ABCB7: variants seen among roughly 807,000 people sequenced by gnomAD.
ABCB7 encodes ATP binding cassette subfamily B member 7, also known as iron-sulfur clusters transporter ABCB7, mitochondrial.
Under a neutral mutation model 54.4 loss-of-function variants are expected in ABCB7, and 7 were observed. That is an observed-to-expected ratio of 0.13 (90% CI 0.07 to 0.24). The LOEUF is 0.24. Ranked by LOEUF, ABCB7 falls within the 10% of genes least tolerant of loss-of-function variation. The pLI, the probability that ABCB7 is intolerant of heterozygous loss-of-function variation, is 1.00. For missense variants in ABCB7, 356 were observed against 570.4 expected, an observed-to-expected ratio of 0.62 and a Z score of 3.83; for synonymous variants, 218 against 207.1, an observed-to-expected ratio of 1.05 and a Z score of -0.45.
chrX:75,105,939 C>G (rs1438581679), intron 3 of ABCB7, among the ~76,000 whole-genome samples: 1 of 111,383 alleles, frequency 9.0e-6, no homozygotes, highest in Non-Finnish European at 1.9e-5. Flanking sequence ...TAGTCACATA[C>G]AGAATAATGA....
chrX:75,062,437 A>G lies in ABCB7; in HGVS notation c.1832-6T>C. On this transcript the variant is annotated splice_polypyrimidine_tract_variant and splice_region_variant and intron_variant, in intron 13 of 15. Transcript: ENST00000373394. ...TACTCTTTGCTTTTCTCCTCCTGGT[A>G]AAGGAAAATTTTACTTTAAGGAAGC... 10 of 1,196,613 alleles carry G rather than the reference A, an allele frequency of 8.4e-6. No homozygotes were observed. The highest frequency in any genetic ancestry group is 1.1e-5 in the Non-Finnish European group (10 of 882,160).
intron 3 of ABCB7, among the ~76,000 whole-genome samples, chrX:75,101,066 A>C (rs989225894): frequency 1.0e-4 from 4 of 39,451 alleles, no homozygotes; most frequent in Non-Finnish European, 2.4e-4. Flanking sequence ...AAAATGTGAT[A>C]TATGTAGGAG....
intron 1 of ABCB7, among the ~76,000 whole-genome samples, chrX:75,149,340 AT>A (rs1276537465): frequency 8.9e-6 from 1 of 112,020 alleles, no homozygotes. Context: ...TAACTCAAAA[AT>A]TTTAGGATAA....
chrX:75,137,694 T>C (rs897723541), intron 1 of ABCB7, among the ~76,000 whole-genome samples: 1 of 112,202 alleles, frequency 8.9e-6, no homozygotes, highest in Non-Finnish European at 1.9e-5. Flanking sequence ...GAATACCACA[T>C]AGCCATAAAA....
intron 1 of ABCB7, among the ~76,000 whole-genome samples, chrX:75,153,775 A>ATATATAT (rs1569253219): frequency 1.5e-4 from 4 of 26,614 alleles, no homozygotes; most frequent in South Asian, 2.5e-3. Flanking sequence ...TATATATATA[A>ATATATAT]AATATATATG....
At chrX:75,058,284 T>C (rs1391650635) in intron 15 of ABCB7, among the ~76,000 whole-genome samples, 1 of 111,446 alleles carries the variant, frequency 9.0e-6, no homozygotes, top group African/African-American at 3.3e-5. Context: ...TACTTACCAG[T>C]TTCCCCCAAT....
intron 1 of ABCB7, among the ~76,000 whole-genome samples, chrX:75,150,826 T>C (rs2082125885): frequency 8.9e-6 from 1 of 111,787 alleles, no homozygotes; most frequent in African/African-American, 3.2e-5. Context: ...TTTATAACAA[T>C]TGTATAACAA....
At chrX:75,087,812 A>G (rs1482650027) in intron 4 of ABCB7, among the ~76,000 whole-genome samples, 1 of 112,181 alleles carries the variant, frequency 8.9e-6, no homozygotes, top group Non-Finnish European at 1.9e-5. Flanking sequence ...ACAGACATCT[A>G]AAAGCTAGAG....
chrX:75,121,043 C>T (rs1602392441), intron 1 of ABCB7, among the ~76,000 whole-genome samples: 1 of 110,655 alleles, frequency 9.0e-6, no homozygotes. Flanking sequence ...AATCCCAGCA[C>T]TTTGGGAGGC....
chrX:75,062,203 C>G (rs757870889), intron 14 of ABCB7, 125 bp downstream of exon 14: 2 of 562,048 alleles, frequency 3.6e-6, no homozygotes, highest in East Asian at 3.7e-5. Flanking sequence ...GGGGGATAGG[C>G]ATTTTGCTCT....
chrX:75,135,620 C>G (rs759548938), intron 1 of ABCB7, among the ~76,000 whole-genome samples: 2 of 111,480 alleles, frequency 1.8e-5, no homozygotes, highest in Admixed American at 9.5e-5. Flanking sequence ...CAACAAAAAG[C>G]TAATCCACCA....
chrX:75,135,779 T>A (rs1055690120), intron 1 of ABCB7, among the ~76,000 whole-genome samples: 1 of 111,284 alleles, frequency 9.0e-6, no homozygotes, highest in African/African-American at 3.3e-5. Flanking sequence ...GAGTTCAACA[T>A]CCCTTCATGT....
intron 1 of ABCB7, among the ~76,000 whole-genome samples, chrX:75,137,663 A>T (rs1302192036): frequency 8.9e-6 from 1 of 112,634 alleles, no homozygotes; most frequent in African/African-American, 3.2e-5. Flanking sequence ...AATAAAGAAA[A>T]TGTGGTACAT....
intron 1 of ABCB7, among the ~76,000 whole-genome samples, chrX:75,142,347 G>A (rs1204528661): frequency 9.0e-6 from 1 of 111,367 alleles, no homozygotes; most frequent in Non-Finnish European, 1.9e-5. Context: ...TAATGACAAG[G>A]GAAAAAAGTC....
chrX:75,115,654 G>T (rs1016808778), intron 1 of ABCB7, among the ~76,000 whole-genome samples: 1 of 108,280 alleles, frequency 9.2e-6, no homozygotes, highest in Non-Finnish European at 1.9e-5. Context: ...GTAACCAGAT[G>T]ACGGACTCTG....
At chrX:75,109,048 T>A (rs1171835416) in intron 3 of ABCB7, among the ~76,000 whole-genome samples, 1 of 111,052 alleles carries the variant, frequency 9.0e-6, no homozygotes, top group Non-Finnish European at 1.9e-5. Flanking sequence ...GTATGGTGGG[T>A]CAAAAACAAA....
At chrX:75,062,141 T>C (rs1322315227) in intron 14 of ABCB7, among the ~76,000 whole-genome samples, 187 bp downstream of exon 14, 1 of 112,437 alleles carries the variant, frequency 8.9e-6, no homozygotes, top group East Asian at 2.8e-4. Context: ...GTGGTATCTC[T>C]AGTTCAATAC....
At chrX:75,060,400 A>C in intron 14 of ABCB7, 70 bp from the exon 15 acceptor site, 1 of 836,763 alleles carries the variant, frequency 1.2e-6, no homozygotes, top group Non-Finnish European at 1.8e-6. Context: ...TGTAAATTAA[A>C]ATAATCATAC....
intron 15 of ABCB7, among the ~76,000 whole-genome samples, chrX:75,054,779 T>C (rs958053341): frequency 3.6e-5 from 4 of 111,414 alleles, no homozygotes; most frequent in Non-Finnish European, 7.5e-5. Flanking sequence ...AATTCTGAAA[T>C]TGTATGATAA....
Sources: allele counts gnomAD v4.1 joint callset (sites outside exome capture counted in the v4.1 genomes callset), GRCh38; gene constraint gnomAD v4.1.1; transcripts MANE v1.5; gene names NCBI Gene and HGNC (gene_info 2026-07-23, HGNC 2026-07-21).